CADPS2: variants seen among roughly 807,000 people sequenced by gnomAD.
The protein encoded by CADPS2 is calcium dependent secretion activator 2.
Under a neutral mutation model 172.5 loss-of-function variants are expected in CADPS2, and 93 were observed. The observed-to-expected ratio is 0.54, with a 90% CI of 0.46 to 0.64. The LOEUF (loss-of-function observed/expected upper bound fraction) is 0.64, where lower values mean the gene tolerates loss of function less well. CADPS2 is among the 30% of genes least tolerant of loss of function. The pLI, the probability that CADPS2 is intolerant of heterozygous loss-of-function variation, is 0.00. For synonymous variants in CADPS2, 546 were observed against 555.2 expected (o/e 0.98, Z 0.23); for missense variants, 1,420 against 1,565.9 (o/e 0.91, Z 1.57).
chr7:122,415,008 T>C (rs943086126), intron 18 of CADPS2, among the ~76,000 whole-genome samples: 4 of 152,162 alleles, frequency 2.6e-5, no homozygotes, highest in East Asian at 1.9e-4. Context: ...GAAAACTCTT[T>C]CATTTTTGTT....
chr7:122,777,270 C>T (rs767521019), intron 1 of CADPS2, among the ~76,000 whole-genome samples: 12 of 152,214 alleles, frequency 7.9e-5, no homozygotes, highest in African/African-American at 1.7e-4. Context: ...GGGATGGCAG[C>T]TCCATTGTCA....
intron 2 of CADPS2, among the ~76,000 whole-genome samples, chr7:122,732,317 A>C (rs2091725110): frequency 6.6e-6 from 1 of 151,492 alleles, no homozygotes; most frequent in African/African-American, 2.4e-5. Flanking sequence ...TACAACCACT[A>C]TAAGAACAGA....
intron 14 of CADPS2, among the ~76,000 whole-genome samples, chr7:122,457,003 C>A (rs1381108533): frequency 1.3e-5 from 2 of 152,110 alleles, no homozygotes; most frequent in Admixed American, 1.3e-4. Context: ...ACAAGTGTGA[C>A]GTGAGCTCTA....
At chr7:122,857,883 CA>C (rs1327676513) in intron 1 of CADPS2, among the ~76,000 whole-genome samples, 1 of 152,026 alleles carries the variant, frequency 6.6e-6, no homozygotes, top group African/African-American at 2.4e-5. Context: ...TTCTTCCTTG[CA>C]GTGGGTTCGT....
At chr7:122,427,020 G>A (rs745337690) in intron 17 of CADPS2, among the ~76,000 whole-genome samples, 8 of 152,190 alleles carry the variant, frequency 5.3e-5, no homozygotes, top group Non-Finnish European at 8.8e-5. Context: ...TTCAGAGGAA[G>A]TAGGAAAGAT....
chr7:122,482,703 C>G (rs540268010), intron 11 of CADPS2, among the ~76,000 whole-genome samples: 1 of 152,224 alleles, frequency 6.6e-6, no homozygotes, highest in Admixed American at 6.5e-5. Flanking sequence ...GCCCATGGCA[C>G]AAGCAACAGG....
At chr7:122,421,736 A>G (rs2048552935) in intron 17 of CADPS2, among the ~76,000 whole-genome samples, 1 of 152,234 alleles carries the variant, frequency 6.6e-6, no homozygotes, top group African/African-American at 2.4e-5. Flanking sequence ...GATCTGTTAT[A>G]AAGTCTGTAA....
intron 28 of CADPS2, among the ~76,000 whole-genome samples, chr7:122,330,386 T>C (rs554289993): frequency 2.6e-5 from 4 of 152,302 alleles, no homozygotes; most frequent in Admixed American, 6.5e-5. Context: ...TTCACCAGTA[T>C]ATTTCTATTT....
rs905949734 is a variant in CADPS2 at position 122,861,406 on chromosome 7, T to A, written c.339+24593A>T. Among the ~76,000 whole-genome samples, 4 of 152,234 alleles carry A rather than the reference T, an allele frequency of 2.6e-5. No individual in the cohort carries two copies. The East Asian group carries it at 7.7e-4, about 29-fold the overall frequency. ...TGTTGACCATTTGTATATCTTCTTT[T>A]GAGAAATGTCTATTCAGATTGCTTG... is the stretch of plus-strand genomic sequence containing the variant. On this transcript the variant is annotated intron_variant, in intron 1 of 29. Coordinates refer to ENST00000449022, the MANE Select transcript of CADPS2 (RefSeq NM_017954.11).
chr7:122,701,277 C>T (rs2086027986), intron 2 of CADPS2, among the ~76,000 whole-genome samples: 2 of 152,178 alleles, frequency 1.3e-5, no homozygotes, highest in African/African-American at 2.4e-5. Context: ...TGGATGAGTT[C>T]ATGTCCTTTG....
intron 1 of CADPS2, among the ~76,000 whole-genome samples, chr7:122,841,903 T>A (rs1287985265): frequency 1.3e-5 from 2 of 152,160 alleles, no homozygotes; most frequent in Non-Finnish European, 2.9e-5. Context: ...GACCACTCAA[T>A]AGGAAAGAGA....
At chr7:122,330,473 T>C (rs1321086511) in intron 28 of CADPS2, among the ~76,000 whole-genome samples, 3 of 152,176 alleles carry the variant, frequency 2.0e-5, no homozygotes, top group Non-Finnish European at 4.4e-5. Flanking sequence ...ATATTAATGG[T>C]AAATTTAATA....
At chr7:122,722,521 C>G (rs953775325) in intron 2 of CADPS2, among the ~76,000 whole-genome samples, 1 of 151,434 alleles carries the variant, frequency 6.6e-6, no homozygotes, top group Non-Finnish European at 1.5e-5. Context: ...AACTACAAAC[C>G]GCTGCTCAAC....
At chr7:122,679,037 C>A (rs537470963) in intron 2 of CADPS2, among the ~76,000 whole-genome samples, 1 of 151,996 alleles carries the variant, frequency 6.6e-6, no homozygotes, top group Non-Finnish European at 1.5e-5. Context: ...ACAAATTGTT[C>A]GTAAAGCATG....
chr7:122,721,944 A>G (rs1380061461), intron 2 of CADPS2, among the ~76,000 whole-genome samples: 2 of 152,176 alleles, frequency 1.3e-5, no homozygotes, highest in African/African-American at 4.8e-5. Context: ...CAAAAAACAC[A>G]TGATTATCTC....
intron 20 of CADPS2, among the ~76,000 whole-genome samples, chr7:122,399,792 T>C (rs2045698666): frequency 6.8e-6 from 1 of 146,792 alleles, no homozygotes; most frequent in Non-Finnish European, 1.5e-5. Context: ...GTTCACGCCA[T>C]TCTCCTGCCT....
At chr7:122,809,590 A>C (rs1799580393) in intron 1 of CADPS2, among the ~76,000 whole-genome samples, 1 of 152,002 alleles carries the variant, frequency 6.6e-6, no homozygotes, top group Non-Finnish European at 1.5e-5. Flanking sequence ...AAAAAAAAAA[A>C]AAAAAGACTG....
chr7:122,333,311 A>G (rs1563086368), intron 28 of CADPS2, among the ~76,000 whole-genome samples: 1 of 152,234 alleles, frequency 6.6e-6, no homozygotes, highest in Non-Finnish European at 1.5e-5. Flanking sequence ...GATGAAACTC[A>G]TGCCTGAGAA....
intron 2 of CADPS2, among the ~76,000 whole-genome samples, chr7:122,664,630 G>T (rs1172571669): frequency 6.6e-6 from 1 of 152,028 alleles, no homozygotes; most frequent in Non-Finnish European, 1.5e-5. Flanking sequence ...ATATTCCTAA[G>T]AATCCTCCAT....
Sources: allele counts gnomAD v4.1 joint callset (sites outside exome capture counted in the v4.1 genomes callset), GRCh38; gene constraint gnomAD v4.1.1; transcripts MANE v1.5; gene names NCBI Gene and HGNC (gene_info 2026-07-23, HGNC 2026-07-21).